The following ZNF155 variants were observed in gnomAD, a reference collection of about 807,000 sequenced individuals.
ZNF155 encodes KRAB A domain.
Under a neutral mutation model 11.9 loss-of-function variants are expected in ZNF155, and 15 were observed. The ratio of observed to expected loss-of-function variants is 1.26; its 90% confidence interval spans 0.84 to 1.94. The LOEUF is 1.94. Ranked by LOEUF, ZNF155 falls within the 30% of genes most tolerant of loss-of-function variation. The probability of loss-of-function intolerance (pLI) is 0.00; values close to 1 mark genes in which losing one functional copy is unlikely to be tolerated. For synonymous variants in ZNF155, 212 were observed against 219.9 expected (o/e 0.96, Z 0.32); for missense variants, 602 against 639.1 (o/e 0.94, Z 0.63).
rs1975924206 is a variant in ZNF155, at chr19:43,997,199, A to G, written c.1342A>G (p.Arg448Gly). The G allele has an allele frequency of 6.2e-7, 1 of 1,614,106 alleles. No homozygotes were observed. Among genetic ancestry groups the G allele is most frequent in the Admixed American group, 1.7e-5 (1 of 60,022 alleles). Residue 448 changes from arginine to glycine, a missense_variant, in exon 5 of 5, where the codon AGG becomes GGG. By Grantham distance (125) the Arg-to-Gly change is moderately radical (BLOSUM62 -2). Transcript: ENST00000270014. The stretch of plus-strand genomic sequence containing the variant: ...TAAGTTTAATCTTGACTTGCACCAG[A>G]GGGTCCACACGGGAGAGAGACCTTA... ...VTKFNLDLHQ[R>G]VHTGERPYNC...
At chr19:43,992,855 T>G (rs1366409163) in intron 4 of ZNF155, among the ~76,000 whole-genome samples, 3 of 152,250 alleles carry the variant, frequency 2.0e-5, no homozygotes, top group Non-Finnish European at 1.5e-5. Flanking sequence ...TTTCTTAGGT[T>G]CCTTGACATG....
chr19:43,988,107 C>G (rs555974729), intron 1 of ZNF155, among the ~76,000 whole-genome samples: 1 of 152,276 alleles, frequency 6.6e-6, no homozygotes, highest in East Asian at 1.9e-4. Flanking sequence ...GACAACATAG[C>G]AAGACCCCAT....
chr19:43,991,520 T>C (rs1285462635), intron 2 of ZNF155, 28 bp from the exon 3 acceptor site: 2 of 1,613,898 alleles, frequency 1.2e-6, no homozygotes, highest in African/African-American at 2.7e-5. Context: ...GGTCATAAGA[T>C]TGAAGTTATG....
At chr19:43,990,431 A>G (rs396116) in intron 2 of ZNF155, among the ~76,000 whole-genome samples, 57,645 of 152,106 alleles carry the variant, frequency 0.38, 11,923 homozygotes, top group East Asian at 0.55. Flanking sequence ...AGTGGCACAG[A>G]TGTTTCCAAA....
chr19:43,990,108 T>C (rs1369291630), intron 2 of ZNF155: 1 of 1,520,050 alleles, frequency 6.6e-7, no homozygotes, highest in Non-Finnish European at 8.8e-7. Flanking sequence ...TCAAAGATTA[T>C]GGAGGTAGGT....
intron 4 of ZNF155, among the ~76,000 whole-genome samples, chr19:43,994,798 T>C (rs78023654): frequency 0.088 from 13,379 of 152,200 alleles, 1,450 homozygotes; most frequent in African/African-American, 0.25. Flanking sequence ...GTCTCCATTA[T>C]GGAGCCAGTA....
In ZNF155 at chr19:43,992,979, A is replaced by G. The variant is rs1975716806; in HGVS notation, c.235+1045A>G. Among the ~76,000 whole-genome samples, 3 of 152,226 alleles carry G rather than the reference A, an allele frequency of 2.0e-5. No homozygotes were observed. In the South Asian group the frequency reaches 6.2e-4, roughly 31 times the overall value. On this transcript the variant is annotated intron_variant, in intron 4 of 4. Coordinates refer to ENST00000270014, the MANE Select transcript of ZNF155 (RefSeq NM_198089.3). ...TGAGACTTATCCTGGAGCTTTCCAT[A>G]GGGAGCATATTTATATCTGGGAAGA... is the stretch of plus-strand genomic sequence containing the variant.
chr19:43,996,814 T>C lies in ZNF155; in HGVS notation c.957T>C (p.Asp319=). ...CAGGAGAAAAACCATTTAGGTGTGA[T>C]ACATGTGATAAGAGCTTTCATCAGA... ...VHTGEKPFRC[D]TCDKSFHQRS... is the part of the protein sequence containing the mutation. The change falls in exon 5 of 5, where the codon GAT becomes GAC. Residue 319 remains aspartate, a synonymous_variant. Transcript: ENST00000270014. 6.2e-7 allele frequency: 1 copy of C among 1,614,098 alleles called. No individual in the cohort carries two copies. The highest frequency in any genetic ancestry group is 8.5e-7 in the Non-Finnish European group (1 of 1,180,016).
At position 43,997,321 on chromosome 19, in the gene ZNF155, C is replaced by T. The variant is rs1421246657; in HGVS notation, c.1464C>T (p.Asp488=). Residue 488 remains aspartate (D), a synonymous_variant, in exon 5 of 5, where the codon GAC becomes GAT. Coordinates refer to ENST00000270014, the MANE Select transcript of ZNF155 (RefSeq NM_198089.3). The stretch of plus-strand genomic sequence containing the variant: ...AGAAAAAACCATTCAAATGTGAGGA[C>T]TGTGGAAAGAGGCTTGTACACAGGA... The part of the protein sequence containing the change: ...HCQKKPFKCE[D]CGKRLVHRTY... 5 of 1,614,026 alleles carry T rather than the reference C, an allele frequency of 3.1e-6. No homozygotes were observed. Among genetic ancestry groups the T allele is most frequent in the South Asian group, 2.2e-5 (2 of 91,070 alleles).
intron 4 of ZNF155, 62 bp downstream of exon 4, chr19:43,991,996 A>G: frequency 2.8e-6 from 4 of 1,446,984 alleles, no homozygotes; most frequent in African/African-American, 2.8e-5. Context: ...GCTTCTGTCC[A>G]TGCCCATTTG....
chr19:43,990,222 AGAGT>A (rs148741128), intron 2 of ZNF155: 201,407 of 645,854 alleles, frequency 0.31, 35,186 homozygotes, highest in African/African-American at 0.52. Flanking sequence ...AAACAATGAG[AGAGT>A]AAGATGTTCT....
rs140489191 is a variant in ZNF155 at position 43,996,494 on chromosome 19, T to C, written c.637T>C (p.Phe213Leu). 2 of 1,614,056 alleles carry C rather than the reference T, an allele frequency of 1.2e-6. No homozygotes were observed. Among genetic ancestry groups the C allele is most frequent in the African/African-American group, 2.7e-5 (2 of 74,910 alleles). The change falls in exon 5 of 5, where the codon TTT (phenylalanine) becomes CTT (leucine). Residue 213 changes from phenylalanine to leucine, a missense_variant. By Grantham distance (22) the Phe-to-Leu change is conservative. Coordinates refer to ENST00000270014, the MANE Select transcript of ZNF155 (RefSeq NM_198089.3). ...LFMCDVCGKE[F>L]SQSSHLQTHQ... is the part of the protein sequence containing the mutation. Reference sequence around the variant, plus strand: ...TATGTGTGATGTGTGTGGCAAGGAATTTAGTCAAAGCTCACATCTGCAAAC... The same window carrying C: ...TATGTGTGATGTGTGTGGCAAGGAACTTAGTCAAAGCTCACATCTGCAAAC...
In ZNF155 at chr19:43,991,834, A is replaced by G; in HGVS notation, c.143-8A>G. 6.2e-7 allele frequency: 1 copy of G among 1,612,780 alleles called. No individual in the cohort carries two copies. Among genetic ancestry groups the G allele is most frequent in the East Asian group, 2.2e-5 (1 of 44,878 alleles). The stretch of plus-strand genomic sequence containing the variant: ...TGGGATTCAGCACGTGACCTTACCT[A>G]TTCACAGGGCATCAACCGTTCCACC... On this transcript the variant is annotated splice_polypyrimidine_tract_variant and splice_region_variant and intron_variant, in intron 3 of 4. Coordinates refer to ENST00000270014, the MANE Select transcript of ZNF155 (RefSeq NM_198089.3).
chr19:43,985,927 G>A (rs1280275853), intron 1 of ZNF155, among the ~76,000 whole-genome samples: 4 of 152,214 alleles, frequency 2.6e-5, no homozygotes, highest in Admixed American at 1.3e-4. Context: ...AACCTAGGCA[G>A]TTTGGGTCAG....
intron 4 of ZNF155, among the ~76,000 whole-genome samples, chr19:43,995,398 A>C (rs1468912087): frequency 1.5e-5 from 2 of 137,234 alleles, no homozygotes; most frequent in Admixed American, 1.6e-4. Flanking sequence ...GAGCCACTGC[A>C]TCCAGCACTT....
At chr19:43,995,735 A>G (rs1367480895) in intron 4 of ZNF155, among the ~76,000 whole-genome samples, 1 of 152,136 alleles carries the variant, frequency 6.6e-6, no homozygotes, top group African/African-American at 2.4e-5. Flanking sequence ...TGATTAAGTT[A>G]TTGCTTTTCC....
intron 4 of ZNF155, among the ~76,000 whole-genome samples, chr19:43,995,299 A>G (rs971273712): frequency 6.6e-6 from 1 of 151,630 alleles, no homozygotes; most frequent in African/African-American, 2.4e-5. Context: ...TTTAGCAGAG[A>G]CGGGGTTTCA....
Position 43,997,536 on chromosome 19 carries a change from C to A in ZNF155, c.*62C>A. 7.6e-7 allele frequency: 1 copy of A among 1,313,434 alleles called. No individual in the cohort carries two copies. Among genetic ancestry groups the A allele is most frequent in the Non-Finnish European group, 1.0e-6 (1 of 967,350 alleles). The allele number at this position is 1,313,434 out of a possible 1,614,324, so 81.4% of individuals were successfully genotyped here. A position where few individuals can be genotyped will look rare whatever the true frequency, so the allele number is the denominator to read the frequency against. The stretch of plus-strand genomic sequence containing the variant: ...TGTGTGCATACAATTTATAGTGATC[C>A]AATCAGTGTAATTGGTGTATCTGTT... On this transcript the variant is annotated 3_prime_UTR_variant, in exon 5 of 5. Coordinates refer to ENST00000270014, the MANE Select transcript of ZNF155 (RefSeq NM_198089.3).
chr19:43,990,181 T>C (rs381628), intron 2 of ZNF155: 288,563 of 951,722 alleles, frequency 0.3, 48,171 homozygotes, highest in East Asian at 0.53. Flanking sequence ...TATTTTTTGA[T>C]GTTTTAATTT....
Sources: gnomAD v4.1 joint callset for allele counts (sites outside exome capture counted in the v4.1 genomes callset) on GRCh38, gnomAD v4.1.1 for gene constraint, MANE v1.5 for transcripts, NCBI Gene and HGNC (gene_info 2026-07-23, HGNC 2026-07-21) for gene names.